Variants in FRAS1 observed in about 807,000 individuals in gnomAD.
The protein encoded by FRAS1 is Fraser extracellular matrix complex subunit 1.
Under a neutral mutation model 435.2 loss-of-function variants are expected in FRAS1, and 290 were observed. The observed-to-expected ratio is 0.67, with a 90% CI of 0.61 to 0.73. The LOEUF (loss-of-function observed/expected upper bound fraction) is 0.73, where lower values mean the gene tolerates loss of function less well. Ranked by LOEUF, FRAS1 falls within the 30% of genes least tolerant of loss-of-function variation. The pLI is 0.00. For synonymous variants in FRAS1, 1,800 were observed against 1,851.0 expected (o/e 0.97, Z 0.71); for missense variants, 4,860 against 5,001.5 (o/e 0.97, Z 0.85).
chr4:78,441,259 C>A lies in FRAS1; in HGVS notation c.5627C>A (p.Ala1876Asp), dbSNP rs766539615. 6.2e-7 allele frequency: 1 copy of A among 1,613,358 alleles called. No homozygotes were observed. The highest frequency in any genetic ancestry group is 1.1e-5 in the South Asian group (1 of 90,912). ...LQRDAIIKLSALPKYGCIENT... is the reference protein window; with the variant it reads ...LQRDAIIKLSDLPKYGCIENT... ...AGAGATGCCATCATTAAACTAAGTG[C>A]TCTGCCCAAATATGGCTGCATTGAG... The change falls in exon 41 of 74, where the codon GCT becomes GAT. Residue 1876 changes from alanine to aspartate, a missense_variant. Ala to Asp is a moderately radical substitution (Grantham distance 126). Coordinates refer to ENST00000512123, the MANE Select transcript of FRAS1 (RefSeq NM_025074.7).
chr4:78,145,942 G>C (rs1174007333), intron 2 of FRAS1, among the ~76,000 whole-genome samples: 1 of 152,104 alleles, frequency 6.6e-6, no homozygotes, highest in Non-Finnish European at 1.5e-5. Context: ...CCGCCGCCCT[G>C]AGAAGAGGTG....
intron 29 of FRAS1, among the ~76,000 whole-genome samples, chr4:78,389,437 G>A (rs1732359924): frequency 6.6e-6 from 1 of 152,196 alleles, no homozygotes; most frequent in South Asian, 2.1e-4. Context: ...TGATCTGCTA[G>A]GTAATTTCTC....
At chr4:78,422,547 G>A (rs766727136) in intron 34 of FRAS1, among the ~76,000 whole-genome samples, 5 of 151,370 alleles carry the variant, frequency 3.3e-5, no homozygotes, top group Non-Finnish European at 4.4e-5. Flanking sequence ...TGAAGGAAGA[G>A]CACTAGCTCC....
At chr4:78,465,784 C>A (rs1013145524) in intron 49 of FRAS1, among the ~76,000 whole-genome samples, 13 of 152,168 alleles carry the variant, frequency 8.5e-5, no homozygotes, top group African/African-American at 3.1e-4. Flanking sequence ...GCCTCTTTTT[C>A]TTTCTGCGGG....
chr4:78,536,537 C>T (rs1721886823), intron 71 of FRAS1, among the ~76,000 whole-genome samples: 1 of 152,108 alleles, frequency 6.6e-6, no homozygotes, highest in Non-Finnish European at 1.5e-5. Flanking sequence ...CACTCAGTGC[C>T]TCAGGTTTCT....
chr4:78,309,360 C>T lies in FRAS1; in HGVS notation c.1678+1151C>T, dbSNP rs561082120. On this transcript the variant is annotated intron_variant, in intron 15 of 73. Transcript: ENST00000512123. ...CAGCAATAGAAAATGAATACACCCC[C>T]AACTCAGAAGGCTGTTGAGAGATCG... Among the ~76,000 whole-genome samples the T allele has an allele frequency of 2.0e-5, 3 of 152,314 alleles. No individual in the cohort carries two copies. The East Asian group carries it at 5.8e-4, about 29-fold the overall frequency.
intron 2 of FRAS1, among the ~76,000 whole-genome samples, chr4:78,190,021 G>A (rs1008300363): frequency 6.6e-6 from 1 of 151,984 alleles, no homozygotes; most frequent in Non-Finnish European, 1.5e-5. Context: ...TTCTACTGTT[G>A]GCCAGCTACA....
chr4:78,519,173 T>C (rs1406506598), intron 66 of FRAS1, among the ~76,000 whole-genome samples, 158 bp from the exon 67 acceptor site: 1 of 148,172 alleles, frequency 6.7e-6, no homozygotes, highest in African/African-American at 2.4e-5. Flanking sequence ...TCCTTTATTT[T>C]TTTAAATAAG....
At chr4:78,451,957 C>A in intron 46 of FRAS1, 66 bp downstream of exon 46, 1 of 1,484,044 alleles carries the variant, frequency 6.7e-7, no homozygotes, top group South Asian at 1.3e-5. Context: ...ATAGTTTACA[C>A]TTTGTTCACC....
At chr4:78,328,024 A>C (rs989763737) in intron 18 of FRAS1, among the ~76,000 whole-genome samples, 1 of 152,190 alleles carries the variant, frequency 6.6e-6, no homozygotes, top group Non-Finnish European at 1.5e-5. Context: ...TAGTTCTTAA[A>C]CATTTCCAAT....
intron 47 of FRAS1, among the ~76,000 whole-genome samples, chr4:78,458,939 A>C (rs1447112316): frequency 6.6e-6 from 1 of 152,220 alleles, no homozygotes; most frequent in Non-Finnish European, 1.5e-5. Context: ...ACAACAACAA[A>C]AAAAGAAAGC....
Position 78,531,907 on chromosome 4 carries a change from G to C in FRAS1, c.10926-2542G>C, listed in dbSNP as rs147083170. On this transcript the variant is annotated intron_variant, in intron 70 of 73. Coordinates refer to ENST00000512123, the MANE Select transcript of FRAS1 (RefSeq NM_025074.7). The stretch of plus-strand genomic sequence containing the variant: ...CTCTTATTCTGGCACTGTCATCAAG[G>C]ATTTTAGGCCTCTCCTTTAAAATAT... Among the ~76,000 whole-genome samples, 128 of 152,254 alleles carry C rather than the reference G, an allele frequency of 8.4e-4. 4 individuals are homozygous for C. In the East Asian group the frequency reaches 0.02, roughly 24 times the overall value.
chr4:78,138,633 ATCTCTCAG>A (rs1180748120), intron 2 of FRAS1, among the ~76,000 whole-genome samples: 1 of 152,132 alleles, frequency 6.6e-6, no homozygotes, highest in Non-Finnish European at 1.5e-5. Flanking sequence ...AAGTGACTTA[ATCTCTCAG>A]TCTCAGTTTC....
chr4:78,181,069 G>C, intron 2 of FRAS1: 1 of 1,571,260 alleles, frequency 6.4e-7, no homozygotes, highest in South Asian at 1.1e-5. Flanking sequence ...TGGAAATGAT[G>C]GTCCATAACT....
intron 69 of FRAS1, among the ~76,000 whole-genome samples, 178 bp downstream of exon 69, chr4:78,522,986 G>T (rs1721433635): frequency 6.6e-6 from 1 of 152,108 alleles, no homozygotes; most frequent in African/African-American, 2.4e-5. Context: ...TACTCAGGAG[G>T]ATCACTTGAA....
At chr4:78,369,461 C>T (rs931632888) in intron 22 of FRAS1, among the ~76,000 whole-genome samples, 1 of 152,168 alleles carries the variant, frequency 6.6e-6, no homozygotes, top group Admixed American at 6.5e-5. Context: ...GTTGCCATCA[C>T]ACAAAAACCT....
intron 14 of FRAS1, among the ~76,000 whole-genome samples, chr4:78,307,588 G>A (rs969788746): frequency 2.6e-5 from 4 of 152,246 alleles, no homozygotes; most frequent in Non-Finnish European, 2.9e-5. Flanking sequence ...TCGGAAAAGC[G>A]CAGTATTCGG....
chr4:78,329,961 G>A (rs960532098), intron 18 of FRAS1, among the ~76,000 whole-genome samples: 2 of 152,124 alleles, frequency 1.3e-5, no homozygotes, highest in East Asian at 3.9e-4. Context: ...CTTGTTTTTA[G>A]TGTGCCGGAA....
rs74432488 is a variant in FRAS1, at chr4:78,139,397, T to A, written c.108+73381T>A. ...CCAAAGTTTTTCTCCAATGTTATAT[T>A]TGGGCTTTCCCTCCTACAAATTATG... On this transcript the variant is annotated intron_variant, in intron 2 of 73. Transcript: ENST00000512123. 3.5e-3 allele frequency among the ~76,000 whole-genome samples: 526 copies of A among 152,308 alleles called. 6 individuals carry two copies. The highest frequency in any genetic ancestry group is 0.034 in the East Asian group (178 of 5,188).
Sources: allele counts gnomAD v4.1 joint callset (sites outside exome capture counted in the v4.1 genomes callset), GRCh38; gene constraint gnomAD v4.1.1; transcripts MANE v1.5; gene names NCBI Gene and HGNC (gene_info 2026-07-23, HGNC 2026-07-21).